POU6F2: variants seen among roughly 807,000 people sequenced by gnomAD.
POU6F2 encodes the protein POU class 6 homeobox 2, also known as POU domain, class 6, transcription factor 2.
POU6F2 carries 31 observed loss-of-function variants against 71.3 expected under a neutral mutation model. That is an observed-to-expected ratio of 0.43 (90% CI 0.33 to 0.59). The LOEUF (loss-of-function observed/expected upper bound fraction) is 0.59. Ranked by LOEUF, POU6F2 falls within the 20% of genes least tolerant of loss-of-function variation. The pLI, the probability that POU6F2 is intolerant of heterozygous loss-of-function variation, is 0.04. For synonymous variants in POU6F2, 347 were observed against 355.7 expected (o/e 0.98, Z 0.27); for missense variants, 783 against 856.8 (o/e 0.91, Z 1.07).
At chr7:39,222,191 C>A (rs1794378649) in intron 4 of POU6F2, among the ~76,000 whole-genome samples, 1 of 152,172 alleles carries the variant, frequency 6.6e-6, no homozygotes, top group Admixed American at 6.5e-5. Flanking sequence ...CTGTTGCTTT[C>A]TTTTGCTAAA....
Position 39,466,636 on chromosome 7 carries a change from TTGGCTCCTTTGCTGTTTGTGTAAA to T in POU6F2, c.*1953_*1976del, listed in dbSNP as rs1323736312. ...CCCTGGGGAGTTTGAGTTTCTTCTG[TTGGCTCCTTTGCTGTTTGTGTAAA>T]TGCTACAGTATAATTGTCCCCTCCA... On this transcript the variant is annotated 3_prime_UTR_variant, in exon 10 of 10. Transcript: ENST00000518318. 2 of 152,254 alleles carry T rather than the reference TTGGCTCCTTTGCTGTTTGTGTAAA, an allele frequency of 1.3e-5. No individual in the cohort carries two copies. The highest frequency in any genetic ancestry group is 4.8e-5 in the African/African-American group (2 of 41,454). The allele number at this position is 152,254 out of a possible 1,614,324, so 9.4% of individuals were successfully genotyped here. A position where few individuals can be genotyped will look rare whatever the true frequency, so the allele number is the denominator to read the frequency against.
At chr7:39,353,974 G>C (rs893745131) in intron 5 of POU6F2, among the ~76,000 whole-genome samples, 2 of 152,132 alleles carry the variant, frequency 1.3e-5, no homozygotes, top group Non-Finnish European at 2.9e-5. Flanking sequence ...GAGTTACATC[G>C]GCCCAGGCCC....
chr7:38,988,856 G>A (rs1002912045), intron 1 of POU6F2, among the ~76,000 whole-genome samples: 8 of 152,186 alleles, frequency 5.3e-5, no homozygotes, highest in African/African-American at 7.2e-5. Flanking sequence ...AAACATGGCC[G>A]TAACATTACC....
chr7:39,134,858 TA>T (rs1298694195), intron 2 of POU6F2, among the ~76,000 whole-genome samples: 1 of 152,200 alleles, frequency 6.6e-6, no homozygotes, highest in African/African-American at 2.4e-5. Context: ...GCAAGTGCAT[TA>T]AACTACCAAC....
chr7:39,290,910 T>C (rs6462903), intron 4 of POU6F2, among the ~76,000 whole-genome samples: 126,187 of 151,924 alleles, frequency 0.83, 52,423 homozygotes, highest in Admixed American at 0.88. Context: ...GAAGATTAGA[T>C]GATTGATTCA....
intron 2 of POU6F2, among the ~76,000 whole-genome samples, chr7:39,144,779 A>G (rs1232081338): frequency 6.6e-6 from 1 of 152,314 alleles, no homozygotes; most frequent in Admixed American, 6.5e-5. Context: ...TATTATAGCA[A>G]ATCCTTTAGA....
intron 1 of POU6F2, among the ~76,000 whole-genome samples, chr7:39,015,996 A>ATTATATATATTATAT (rs1789515917): frequency 2.5e-5 from 1 of 39,856 alleles, no homozygotes; most frequent in East Asian, 3.9e-4. Context: ...TATATAATAT[A>ATTATATATATTATAT]TAGATATATA....
At chr7:39,278,910 A>G (rs2128759077) in intron 4 of POU6F2, among the ~76,000 whole-genome samples, 1 of 152,240 alleles carries the variant, frequency 6.6e-6, no homozygotes, top group South Asian at 2.1e-4. Flanking sequence ...CTTCTCCCTC[A>G]TTACCAACTA....
chr7:39,008,886 C>T (rs1426804814), intron 1 of POU6F2, among the ~76,000 whole-genome samples: 1 of 149,714 alleles, frequency 6.7e-6, no homozygotes, highest in Admixed American at 6.6e-5. Flanking sequence ...ATCTATATCT[C>T]TGTTTTGGTA....
chr7:38,979,382 G>C (rs182436654), intron 1 of POU6F2, among the ~76,000 whole-genome samples: 2 of 152,248 alleles, frequency 1.3e-5, no homozygotes, highest in Admixed American at 1.3e-4. Flanking sequence ...CAGCATGCTT[G>C]CTTCATAATG....
At chr7:39,037,607 C>T (rs775977687) in intron 1 of POU6F2, among the ~76,000 whole-genome samples, 2 of 151,996 alleles carry the variant, frequency 1.3e-5, no homozygotes, top group African/African-American at 2.4e-5. Context: ...TCTCCAGCAA[C>T]GTATTTGGCA....
At chr7:39,104,997 T>G (rs1018621400) in intron 2 of POU6F2, among the ~76,000 whole-genome samples, 1 of 152,204 alleles carries the variant, frequency 6.6e-6, no homozygotes, top group African/African-American at 2.4e-5. Context: ...ATCACTTTTA[T>G]TTTCCTCACA....
intron 1 of POU6F2, among the ~76,000 whole-genome samples, chr7:38,979,471 G>T (rs1584477424): frequency 6.6e-6 from 1 of 152,192 alleles, no homozygotes; most frequent in African/African-American, 2.4e-5. Flanking sequence ...GTAGATATTT[G>T]CTTCGACAGA....
At chr7:39,084,280 G>A (rs1446612921) in intron 1 of POU6F2, among the ~76,000 whole-genome samples, 1 of 152,086 alleles carries the variant, frequency 6.6e-6, no homozygotes, top group Admixed American at 6.5e-5. Context: ...GTGTTTCAAA[G>A]CCATGAATCC....
chr7:39,178,982 C>T (rs191133431), intron 2 of POU6F2, among the ~76,000 whole-genome samples: 36 of 152,202 alleles, frequency 2.4e-4, no homozygotes, highest in Admixed American at 1.2e-3. Context: ...AGGGATGAGA[C>T]GTGACGGTTT....
At chr7:39,016,770 C>T (rs533052472) in intron 1 of POU6F2, among the ~76,000 whole-genome samples, 24 of 152,084 alleles carry the variant, frequency 1.6e-4, no homozygotes, top group East Asian at 1.9e-4. Flanking sequence ...GTCAAGACGG[C>T]GTTAAGCGTG....
intron 5 of POU6F2, among the ~76,000 whole-genome samples, chr7:39,392,787 G>T (rs1193341983): frequency 6.6e-6 from 1 of 152,202 alleles, no homozygotes; most frequent in African/African-American, 2.4e-5. Flanking sequence ...CAGGTGCCCA[G>T]ACTTTGAGCA....
chr7:39,236,307 C>G (rs892200552), intron 4 of POU6F2, among the ~76,000 whole-genome samples: 1 of 152,274 alleles, frequency 6.6e-6, no homozygotes, highest in Middle Eastern at 3.4e-3. Context: ...CTAAGCGCCT[C>G]TAAAATTAAT....
chr7:39,225,184 T>C (rs1246394801), intron 4 of POU6F2, among the ~76,000 whole-genome samples: 2 of 152,182 alleles, frequency 1.3e-5, no homozygotes, highest in Non-Finnish European at 2.9e-5. Flanking sequence ...AAACTTTCTT[T>C]TTTTTTTGAG....
Sources: allele counts gnomAD v4.1 joint callset (sites outside exome capture counted in the v4.1 genomes callset), GRCh38; gene constraint gnomAD v4.1.1; transcripts MANE v1.5; gene names NCBI Gene and HGNC (gene_info 2026-07-23, HGNC 2026-07-21).